ANO4: variants seen among roughly 807,000 people sequenced by gnomAD.
ANO4 encodes anoctamin 4, also known as anoctamin-4.
A neutral mutation model predicts 141.9 loss-of-function variants in ANO4; 69 were observed. The ratio of observed to expected loss-of-function variants is 0.49; its 90% CI spans 0.40 to 0.59. The LOEUF (loss-of-function observed/expected upper bound fraction) is 0.59. ANO4 is among the 20% of genes least tolerant of loss of function. The probability of loss-of-function intolerance (pLI) is 0.00; values close to 1 mark genes in which losing one functional copy is unlikely to be tolerated. For synonymous variants in ANO4, 350 were observed against 394.3 expected (o/e 0.89, Z 1.33); for missense variants, 894 against 1,162.2 (o/e 0.77, Z 3.36).
Position 100,989,534 on chromosome 12 carries a change from G to C in ANO4, c.734+1864G>C, listed in dbSNP as rs148486477. On this transcript the variant is annotated intron_variant, in intron 8 of 27. Transcript: ENST00000392977. ...TGATGGATGGATGGATACATTGATA[G>C]GTTGCTGGGTGGGTGGGTGGATGGA... is the stretch of plus-strand genomic sequence containing the variant. Among the ~76,000 whole-genome samples, 611 of 151,558 alleles carry C rather than the reference G, an allele frequency of 4.0e-3. 7 individuals carry two copies. Among genetic ancestry groups the C allele is most frequent in the African/African-American group, 0.014 (566 of 41,274 alleles).
At chr12:100,845,979 C>A (rs572990996) in intron 1 of ANO4, among the ~76,000 whole-genome samples, 1 of 152,270 alleles carries the variant, frequency 6.6e-6, no homozygotes, top group African/African-American at 2.4e-5. Flanking sequence ...GTAACACAGA[C>A]CTGGGTTTGA....
At chr12:100,774,563 TA>T (rs1245277409) in intron 3 of ANO4, among the ~76,000 whole-genome samples, 6 of 152,348 alleles carry the variant, frequency 3.9e-5, no homozygotes, top group Non-Finnish European at 7.3e-5. Context: ...TGAAAAGACC[TA>T]GAAGGAAATA....
chr12:100,837,322 G>C (rs892080159), intron 1 of ANO4, among the ~76,000 whole-genome samples: 1 of 152,124 alleles, frequency 6.6e-6, no homozygotes. Flanking sequence ...GGCAGATAAG[G>C]AAACCAAGAT....
intron 1 of ANO4, among the ~76,000 whole-genome samples, chr12:100,731,331 T>A (rs1185450499): frequency 6.6e-6 from 1 of 152,182 alleles, no homozygotes; most frequent in African/African-American, 2.4e-5. Flanking sequence ...TTGTAATATT[T>A]TAAAATCACT....
chr12:100,953,118 C>A (rs11110594), intron 5 of ANO4, among the ~76,000 whole-genome samples: 1 of 152,172 alleles, frequency 6.6e-6, no homozygotes, highest in Non-Finnish European at 1.5e-5. Flanking sequence ...GCACGTTTTG[C>A]ATAATCATCA....
chr12:101,000,266 G>C (rs182281327), intron 8 of ANO4, among the ~76,000 whole-genome samples: 1 of 152,274 alleles, frequency 6.6e-6, no homozygotes, highest in East Asian at 1.9e-4. Context: ...AACTGGAATT[G>C]CTTTGCTTTT....
intron 9 of ANO4, among the ~76,000 whole-genome samples, chr12:101,021,777 TTAA>T (rs1355850314): frequency 2.0e-5 from 3 of 152,228 alleles, no homozygotes; most frequent in Non-Finnish European, 2.9e-5. Context: ...CATTTGGTTA[TTAA>T]TGAGATTTGA....
At chr12:101,113,782 T>C (rs1313075968) in intron 24 of ANO4, among the ~76,000 whole-genome samples, 1 of 152,200 alleles carries the variant, frequency 6.6e-6, no homozygotes, top group African/African-American at 2.4e-5. Flanking sequence ...TATTAAAGGA[T>C]TGAAAATTAT....
intron 14 of ANO4, among the ~76,000 whole-genome samples, chr12:101,073,245 A>G (rs1301287851): frequency 1.3e-5 from 2 of 152,152 alleles, no homozygotes; most frequent in Non-Finnish European, 2.9e-5. Flanking sequence ...TGCAGCCATA[A>G]AAAAGGATGA....
intron 9 of ANO4, among the ~76,000 whole-genome samples, chr12:101,027,181 A>G (rs2046775974): frequency 6.6e-6 from 1 of 152,188 alleles, no homozygotes; most frequent in Non-Finnish European, 1.5e-5. Context: ...TGAGTGTGGT[A>G]CCCAGCGTGG....
At chr12:100,911,466 G>A (rs754522957) in intron 2 of ANO4, among the ~76,000 whole-genome samples, 1 of 152,168 alleles carries the variant, frequency 6.6e-6, no homozygotes, top group Non-Finnish European at 1.5e-5. Flanking sequence ...GACCAGTTAG[G>A]TTCTGTTGAT....
chr12:100,744,087 T>C (rs891736847), intron 3 of ANO4, among the ~76,000 whole-genome samples: 3 of 152,198 alleles, frequency 2.0e-5, no homozygotes, highest in African/African-American at 7.2e-5. Flanking sequence ...AAAGCCATAT[T>C]TTCATGTCTG....
chr12:101,074,586 C>T (rs1019674615), intron 14 of ANO4, among the ~76,000 whole-genome samples: 2 of 152,170 alleles, frequency 1.3e-5, no homozygotes, highest in South Asian at 2.1e-4. Context: ...AAGAAAGAAT[C>T]TTAGAGGACA....
At chr12:100,889,006 A>G (rs1238319292) in intron 1 of ANO4, among the ~76,000 whole-genome samples, 1 of 149,338 alleles carries the variant, frequency 6.7e-6, no homozygotes, top group African/African-American at 2.5e-5. Context: ...CATTAGGTAT[A>G]TCTCCTAATG....
intron 6 of ANO4, among the ~76,000 whole-genome samples, chr12:100,973,644 A>G (rs1425326855): frequency 6.6e-6 from 1 of 152,190 alleles, no homozygotes; most frequent in East Asian, 1.9e-4. Flanking sequence ...CAGTTTCTTT[A>G]TTATTAACAT....
chr12:100,766,821 C>A (rs916527447), intron 3 of ANO4, among the ~76,000 whole-genome samples: 2 of 152,082 alleles, frequency 1.3e-5, no homozygotes, highest in African/African-American at 4.8e-5. Flanking sequence ...TTGAAGTCTT[C>A]TACTAGTGTT....
chr12:101,080,451 T>C (rs1445109299), intron 15 of ANO4, among the ~76,000 whole-genome samples: 1 of 152,132 alleles, frequency 6.6e-6, no homozygotes, highest in African/African-American at 2.4e-5. Context: ...GTTCTCCTGA[T>C]AAGGCTTTCT....
intron 22 of ANO4, among the ~76,000 whole-genome samples, chr12:101,104,627 G>GTGTGTA (rs1297866922): frequency 2.9e-4 from 18 of 62,042 alleles, no homozygotes; most frequent in East Asian, 9.6e-4. Context: ...ATGTATGTGT[G>GTGTGTA]TATATATATA....
intron 3 of ANO4, among the ~76,000 whole-genome samples, chr12:100,751,059 A>G (rs899406480): frequency 1.6e-4 from 25 of 152,290 alleles, no homozygotes; most frequent in South Asian, 6.2e-4. Flanking sequence ...CAGTCCTTCA[A>G]CATTGTCCCA....
Sources: gnomAD v4.1 joint callset for allele counts (sites outside exome capture counted in the v4.1 genomes callset) on GRCh38, gnomAD v4.1.1 for gene constraint, MANE v1.5 for transcripts, NCBI Gene and HGNC (gene_info 2026-07-23, HGNC 2026-07-21) for gene names.